MS4A8: variants seen among roughly 807,000 people sequenced by gnomAD.
The protein encoded by MS4A8 is membrane-spanning 4-domains subfamily A member 8.
In MS4A8, 27 loss-of-function variants were observed where a neutral mutation model predicts 23.7. The ratio of observed to expected loss-of-function variants is 1.14; its 90% CI spans 0.84 to 1.57. The LOEUF is 1.57. Ranked by LOEUF, MS4A8 falls within the 40% of genes most tolerant of loss-of-function variation. MS4A8 has a pLI of 0.00. For synonymous variants in MS4A8, 138 were observed against 126.3 expected, an observed-to-expected ratio of 1.09 and a Z score of -0.62; for missense variants, 301 against 311.4, an observed-to-expected ratio of 0.97 and a Z score of 0.25.
chr11:60,704,146 A>C (rs1259389144), intron 3 of MS4A8, among the ~76,000 whole-genome samples: 1 of 117,394 alleles, frequency 8.5e-6, no homozygotes, highest in African/African-American at 3.4e-5. Context: ...TTTGAGATGG[A>C]GTCTCACTCT....
chr11:60,700,130 ACT>A (rs2088188715), intron 1 of MS4A8, among the ~76,000 whole-genome samples: 5 of 152,080 alleles, frequency 3.3e-5, no homozygotes, highest in Admixed American at 2.0e-4. Flanking sequence ...ATTCTTGTCC[ACT>A]CTCTCACCCT....
intron 5 of MS4A8, chr11:60,712,355 T>C (rs1415137609): frequency 1.0e-6 from 1 of 985,246 alleles, no homozygotes; most frequent in East Asian, 1.1e-4. Context: ...ATGCATTTCT[T>C]AGCCGCTTCT....
intron 5 of MS4A8, among the ~76,000 whole-genome samples, chr11:60,709,931 T>C (rs976754379): frequency 2.6e-5 from 4 of 152,246 alleles, no homozygotes; most frequent in Non-Finnish European, 5.9e-5. Context: ...GTCTACACTT[T>C]AGTGAGTCCA....
chr11:60,703,292 A>C, intron 2 of MS4A8, 86 bp from the exon 3 acceptor site: 1 of 1,386,714 alleles, frequency 7.2e-7, no homozygotes, highest in Non-Finnish European at 9.5e-7. Flanking sequence ...TGAAAATAAA[A>C]CATTTATTAA....
intron 5 of MS4A8, among the ~76,000 whole-genome samples, chr11:60,711,141 A>G (rs1420035152): frequency 2.0e-5 from 3 of 152,230 alleles, no homozygotes; most frequent in African/African-American, 7.2e-5. Flanking sequence ...TCTTAAGGAC[A>G]GGGATGTTTT....
At chr11:60,701,291 C>T in intron 2 of MS4A8, 2 of 678,494 alleles carry the variant, frequency 2.9e-6, no homozygotes, top group East Asian at 2.9e-5. Context: ...TAGGCATTTT[C>T]GGAAAGAGAA....
chr11:60,707,312 G>C (rs568889815), intron 4 of MS4A8, among the ~76,000 whole-genome samples: 1 of 146,590 alleles, frequency 6.8e-6, no homozygotes, highest in African/African-American at 2.5e-5. Flanking sequence ...TGGAGAGCGA[G>C]AGAGAGAGAG....
chr11:60,700,021 G>A (rs371605068), intron 1 of MS4A8, among the ~76,000 whole-genome samples: 4 of 152,332 alleles, frequency 2.6e-5, no homozygotes, highest in African/African-American at 7.2e-5. Context: ...TTGAGCAGTG[G>A]AAGCCACCCA....
chr11:60,707,598 AG>A (rs768812262), intron 4 of MS4A8, among the ~76,000 whole-genome samples: 6 of 152,184 alleles, frequency 3.9e-5, no homozygotes, highest in Non-Finnish European at 8.8e-5. Flanking sequence ...CGAAGGGTAA[AG>A]GGTGACCAGG....
At chr11:60,715,000 C>G in intron 5 of MS4A8, 21 bp from the exon 6 acceptor site, 4 of 1,571,094 alleles carry the variant, frequency 2.5e-6, no homozygotes, top group Non-Finnish European at 3.5e-6. Context: ...CTCCTGTCCT[C>G]CCCATCTGCT....
chr11:60,700,211 T>C (rs1386717306), intron 1 of MS4A8, among the ~76,000 whole-genome samples: 1 of 152,256 alleles, frequency 6.6e-6, no homozygotes, highest in Admixed American at 6.5e-5. Context: ...TTCTGAACTT[T>C]TGCTTTCAGC....
At chr11:60,703,996 T>G (rs909995365) in intron 3 of MS4A8, among the ~76,000 whole-genome samples, 5 of 152,142 alleles carry the variant, frequency 3.3e-5, no homozygotes, top group African/African-American at 9.7e-5. Context: ...CACTACAGAT[T>G]AGGGCTTCAA....
Position 60,701,036 on chromosome 11 carries a change from G to C in MS4A8, c.176G>C (p.Gly59Ala), listed in dbSNP as rs1385808197. 12 of 1,614,056 alleles carry C rather than the reference G, an allele frequency of 7.4e-6. No homozygotes were observed. The highest frequency in any genetic ancestry group is 1.0e-5 in the Non-Finnish European group (12 of 1,180,042). ...CCTAGTTTGGTGTCGAATGTGAATG[G>C]GCAGCCTGTGCAGAAAGCTCTGAAA... ...NPPSLVSNVN[G>A]QPVQKALKEG... Residue 59 changes from glycine (G) to alanine (A), a missense_variant, in exon 2 of 7, where the codon GGG (glycine) becomes GCG (alanine). Physicochemically the swap from Gly to Ala is moderately conservative, Grantham distance 60. Coordinates refer to ENST00000300226, the MANE Select transcript of MS4A8 (RefSeq NM_031457.2).
At chr11:60,714,949 A>C (rs2088330073) in intron 5 of MS4A8, 72 bp from the exon 6 acceptor site, 4 of 1,016,682 alleles carry the variant, frequency 3.9e-6, no homozygotes, top group Non-Finnish European at 6.3e-6. Flanking sequence ...AGTCCATGGC[A>C]GGGCCCCAGT....
Position 60,715,377 on chromosome 11 carries a change from CA to C in MS4A8, c.717del (p.Pro240GlnfsTer35). 6.2e-7 allele frequency: 1 copy of C among 1,614,012 alleles called. No homozygotes were observed. Among genetic ancestry groups the C allele is most frequent in the Non-Finnish European group, 8.5e-7 (1 of 1,179,970 alleles). ...ATCACCCCAGAACCGGTGACCTCAC[CA>C]CCAAGTTATTCCAGTGAGATCCAAG... ...PVITPEPVTS[P>X]PSYSSEIQAN... On this transcript the variant is annotated frameshift_variant, in exon 7 of 7. Transcript: ENST00000300226. LOFTEE classifies it low-confidence loss of function (END_TRUNC).
At chr11:60,708,957 T>G in intron 5 of MS4A8, 176 bp downstream of exon 5, 1 of 655,044 alleles carries the variant, frequency 1.5e-6, no homozygotes, top group South Asian at 1.9e-5. Context: ...CACATGACCT[T>G]TCCCAGTTTG....
At chr11:60,704,419 C>A (rs556757580) in intron 3 of MS4A8, among the ~76,000 whole-genome samples, 1 of 152,134 alleles carries the variant, frequency 6.6e-6, no homozygotes, top group South Asian at 2.1e-4. Context: ...CCACACCCGG[C>A]CAAAAGGGAT....
chr11:60,715,310 G>C lies in MS4A8; in HGVS notation c.649G>C (p.Val217Leu), dbSNP rs1207504383. 24 of 1,613,726 alleles carry C rather than the reference G, an allele frequency of 1.5e-5. No homozygotes were observed. Among genetic ancestry groups the C allele is most frequent in the Non-Finnish European group, 2.0e-5 (24 of 1,179,864 alleles). The change falls in exon 7 of 7, where the codon GTG becomes CTG. Residue 217 changes from valine (V) to leucine (L), a missense_variant and splice_region_variant. Val to Leu is a conservative substitution (Grantham distance 32). Coordinates refer to ENST00000300226, the MANE Select transcript of MS4A8 (RefSeq NM_031457.2). ...CQLVCCQSSN[V>L]SVIYPNIYAA... is the part of the protein sequence containing the mutation. ...CCCCCTGTGTGCCTGTGTTTTCCAG[G>C]TGAGTGTCATCTATCCAAACATCTA...
intron 2 of MS4A8, among the ~76,000 whole-genome samples, chr11:60,702,086 T>A (rs1258357957): frequency 6.6e-6 from 1 of 152,362 alleles, no homozygotes; most frequent in African/African-American, 2.4e-5. Context: ...CATACACAGA[T>A]GTTCTTTCAT....
Sources: allele counts gnomAD v4.1 joint callset (sites outside exome capture counted in the v4.1 genomes callset), GRCh38; gene constraint gnomAD v4.1.1; transcripts MANE v1.5; gene names NCBI Gene and HGNC (gene_info 2026-07-23, HGNC 2026-07-21).